Variants in PTER observed in about 807,000 individuals in gnomAD.
PTER encodes phosphotriesterase related.
Under a neutral mutation model 29.6 loss-of-function variants are expected in PTER, and 38 were observed. That is an observed-to-expected ratio of 1.28 (90% CI 0.99 to 1.68). The LOEUF is 1.68. Ranked by LOEUF, PTER falls within the 40% of genes most tolerant of loss-of-function variation. The pLI, the probability that PTER is intolerant of heterozygous loss-of-function variation, is 0.00. For missense variants in PTER, 482 were observed against 427.8 expected (o/e 1.13, Z -1.12); for synonymous variants, 172 against 154.5 (o/e 1.11, Z -0.84).
chr10:16,505,273 A>G, intron 4 of PTER, 113 bp downstream of exon 4: 2 of 1,318,344 alleles, frequency 1.5e-6, no homozygotes, highest in Middle Eastern at 1.9e-4. Flanking sequence ...CGAACCACAG[A>G]CTTGCAGAGA....
chr10:16,447,338 T>C (rs1034348855), intron 1 of PTER, among the ~76,000 whole-genome samples: 1 of 151,898 alleles, frequency 6.6e-6, no homozygotes, highest in African/African-American at 2.4e-5. Context: ...TGGCCTCAAG[T>C]GATCCTCCAG....
At chr10:16,503,916 A>G (rs1836461002) in intron 3 of PTER, among the ~76,000 whole-genome samples, 1 of 152,150 alleles carries the variant, frequency 6.6e-6, no homozygotes. Flanking sequence ...TAAGACAATG[A>G]CTGTCTAATG....
At chr10:16,444,078 T>C (rs923107997) in intron 1 of PTER, among the ~76,000 whole-genome samples, 1 of 151,410 alleles carries the variant, frequency 6.6e-6, no homozygotes, top group Admixed American at 6.6e-5. Flanking sequence ...CTCGGCTGAC[T>C]GCAACCTCTG....
intron 2 of PTER, among the ~76,000 whole-genome samples, chr10:16,485,098 G>A (rs1404255124): frequency 1.3e-5 from 2 of 152,216 alleles, no homozygotes; most frequent in African/African-American, 4.8e-5. Context: ...CGTGATAATA[G>A]TTAGATTTGT....
intron 3 of PTER, among the ~76,000 whole-genome samples, chr10:16,499,905 A>G (rs1554793155): frequency 1.3e-5 from 2 of 149,750 alleles, no homozygotes; most frequent in African/African-American, 4.9e-5. Context: ...TTTTCTTTCT[A>G]TTTGTTTGTT....
chr10:16,517,979 C>G (rs1185266173), downstream of PTER, among the ~76,000 whole-genome samples: 1 of 152,166 alleles, frequency 6.6e-6, no homozygotes, highest in Non-Finnish European at 1.5e-5. Context: ...AAGCATTTCT[C>G]TCTCTTAGAG....
intron 1 of PTER, among the ~76,000 whole-genome samples, chr10:16,437,988 G>C (rs965965684): frequency 6.6e-6 from 1 of 152,148 alleles, no homozygotes; most frequent in African/African-American, 2.4e-5. Flanking sequence ...TTCCAGCTCA[G>C]TGACTTTCTA....
chr10:16,444,443 T>C (rs1187170360), intron 1 of PTER, among the ~76,000 whole-genome samples: 2 of 152,116 alleles, frequency 1.3e-5, no homozygotes, highest in Non-Finnish European at 2.9e-5. Context: ...CCTGGTTTTT[T>C]TTTTTTGGAC....
chr10:16,487,156 G>A (rs1223452099), intron 3 of PTER, among the ~76,000 whole-genome samples: 1 of 152,158 alleles, frequency 6.6e-6, no homozygotes, highest in Middle Eastern at 3.2e-3. Context: ...AGCATGTGTT[G>A]GGTAGTATCA....
rs116733876 is a variant in PTER at position 16,492,830 on chromosome 10, A to G, written c.698+6213A>G. Among the ~76,000 whole-genome samples the G allele has an allele frequency of 1.5e-3, 228 of 152,358 alleles. 1 individual carries two copies. Among genetic ancestry groups the G allele is most frequent in the African/African-American group, 5.3e-3 (219 of 41,584 alleles). ...GTCTTTGAAAATTCCTAGCTGAGGAAGGTAGAGGAATTGACCTAAGGGTTT... is the reference window on the plus strand; with the variant it reads ...GTCTTTGAAAATTCCTAGCTGAGGAGGGTAGAGGAATTGACCTAAGGGTTT... On this transcript the variant is annotated intron_variant, in intron 3 of 4. Transcript: ENST00000535784.
intron 1 of PTER, among the ~76,000 whole-genome samples, chr10:16,457,996 A>G (rs1360615890): frequency 1.3e-5 from 2 of 151,974 alleles, no homozygotes; most frequent in Non-Finnish European, 1.5e-5. Context: ...TAAATTGCAA[A>G]CTCCTTGAAG....
At chr10:16,516,853 C>T (rs1448990618), downstream of PTER, among the ~76,000 whole-genome samples, 1 of 152,112 alleles carries the variant, frequency 6.6e-6, no homozygotes, top group Non-Finnish European at 1.5e-5. Context: ...TGGATCAAGC[C>T]AGTGTGGTTG....
intron 1 of PTER, among the ~76,000 whole-genome samples, chr10:16,482,292 A>C (rs974355755): frequency 2.0e-5 from 3 of 152,130 alleles, no homozygotes; most frequent in African/African-American, 7.2e-5. Context: ...TGTTGTTTTC[A>C]CCTTGTCTTA....
chr10:16,469,651 C>A (rs1401752804), intron 1 of PTER, among the ~76,000 whole-genome samples: 1 of 152,148 alleles, frequency 6.6e-6, no homozygotes, highest in African/African-American at 2.4e-5. Flanking sequence ...ATGAACTTGG[C>A]TCATAGCCTC....
At chr10:16,514,842 A>C (rs1304030035), downstream of PTER, 23 of 657,726 alleles carry the variant, frequency 3.5e-5, no homozygotes, top group Non-Finnish European at 5.9e-5. Flanking sequence ...TGTTGACCTC[A>C]GAGCTTTATG....
chr10:16,506,011 G>A (rs12571044), intron 4 of PTER, among the ~76,000 whole-genome samples: 339 of 148,088 alleles, frequency 2.3e-3, no homozygotes, highest in African/African-American at 3.2e-3. Flanking sequence ...AGGAAAGGTC[G>A]AGGAGAAGTT....
At chr10:16,443,899 C>T (rs943245142) in intron 1 of PTER, among the ~76,000 whole-genome samples, 1 of 152,068 alleles carries the variant, frequency 6.6e-6, no homozygotes, top group Non-Finnish European at 1.5e-5. Flanking sequence ...ATCTTGTGCT[C>T]ATCTTGCTTA....
intron 1 of PTER, among the ~76,000 whole-genome samples, chr10:16,438,850 G>T (rs2133349451): frequency 6.7e-6 from 1 of 149,544 alleles, no homozygotes; most frequent in East Asian, 2.0e-4. Flanking sequence ...GAACCTGGGA[G>T]GCAGAGGCGG....
chr10:16,473,519 G>GGAAAAAA (rs1835133325), intron 1 of PTER, among the ~76,000 whole-genome samples: 1 of 28,156 alleles, frequency 3.6e-5, no homozygotes, highest in Non-Finnish European at 6.0e-5. Context: ...GACTCCATCC[G>GGAAAAAA]AAAAAAAAAA....
Sources: allele counts gnomAD v4.1 joint callset (sites outside exome capture counted in the v4.1 genomes callset), GRCh38; gene constraint gnomAD v4.1.1; transcripts MANE v1.5; gene names NCBI Gene and HGNC (gene_info 2026-07-23, HGNC 2026-07-21).